The following TRPC3 variants were observed in gnomAD, a reference collection of about 807,000 sequenced individuals.
TRPC3 encodes the protein transient receptor potential cation channel subfamily C member 3.
In TRPC3, 54 loss-of-function variants were observed where a neutral mutation model predicts 90.9. The ratio of observed to expected loss-of-function variants is 0.59; its 90% CI spans 0.48 to 0.75. The LOEUF (loss-of-function observed/expected upper bound fraction) is 0.75, where lower values mean the gene tolerates loss of function less well. TRPC3 is among the 30% of genes least tolerant of loss of function. TRPC3 has a pLI of 0.00. For missense variants in TRPC3, 918 were observed against 1,194.5 expected (o/e 0.77, Z 3.41); for synonymous variants, 424 against 450.9 (o/e 0.94, Z 0.75).
Position 121,876,460 on chromosome 4 carries a change from T to C in TRPC3, c.*3276A>G, listed in dbSNP as rs1260827193. 2.6e-5 allele frequency among the ~76,000 whole-genome samples: 4 copies of C among 152,302 alleles called. No homozygotes were observed. Among genetic ancestry groups the C allele is most frequent in the East Asian group, 3.9e-4 (2 of 5,178 alleles). On this transcript the variant is annotated 3_prime_UTR_variant, in exon 12 of 12. Transcript: ENST00000379645. ...ATTTATGAAGACCAGAGAAGTTAAATGGTTTGTCCCATACCACAGTCATTA... is the reference window on the plus strand; with the variant it reads ...ATTTATGAAGACCAGAGAAGTTAAACGGTTTGTCCCATACCACAGTCATTA...
chr4:121,899,744 A>C, intron 9 of TRPC3, 49 bp from the exon 10 acceptor site: 2 of 1,342,120 alleles, frequency 1.5e-6, no homozygotes, highest in East Asian at 4.6e-5. Context: ...ATTCATTTGG[A>C]ATAAAAAATA....
intron 10 of TRPC3, among the ~76,000 whole-genome samples, chr4:121,888,261 G>A (rs914273740): frequency 6.6e-6 from 1 of 152,122 alleles, no homozygotes; most frequent in Non-Finnish European, 1.5e-5. Flanking sequence ...CCCTCATTTG[G>A]ATATAAAACA....
chr4:121,926,958 C>G (rs1729740569), intron 2 of TRPC3, among the ~76,000 whole-genome samples: 1 of 152,136 alleles, frequency 6.6e-6, no homozygotes, highest in South Asian at 2.1e-4. Flanking sequence ...TCAGATGATT[C>G]TGATACATGT....
intron 10 of TRPC3, among the ~76,000 whole-genome samples, chr4:121,890,394 C>T (rs1017911831): frequency 3.3e-5 from 5 of 152,094 alleles, no homozygotes; most frequent in Admixed American, 3.3e-4. Flanking sequence ...GATCCTTACA[C>T]AACGTATACA....
At chr4:121,925,340 T>C (rs1729665826) in intron 2 of TRPC3, 134 bp from the exon 3 acceptor site, 2 of 940,764 alleles carry the variant, frequency 2.1e-6, no homozygotes, top group Non-Finnish European at 3.1e-6. Flanking sequence ...GCAAGGCTTG[T>C]TGAGCTGAAT....
intron 10 of TRPC3, among the ~76,000 whole-genome samples, chr4:121,895,319 T>G (rs1266278135): frequency 6.6e-6 from 1 of 150,618 alleles, no homozygotes; most frequent in Non-Finnish European, 1.5e-5. Flanking sequence ...AAACCCCAAA[T>G]TGGTAGAAGA....
intron 11 of TRPC3, among the ~76,000 whole-genome samples, chr4:121,881,561 T>C (rs963163520): frequency 2.0e-5 from 3 of 152,202 alleles, no homozygotes; most frequent in African/African-American, 4.8e-5. Flanking sequence ...ACATACACTA[T>C]TGGATTGATT....
At chr4:121,886,951 C>G (rs1309080866) in intron 10 of TRPC3, among the ~76,000 whole-genome samples, 1 of 152,192 alleles carries the variant, frequency 6.6e-6, no homozygotes, top group Non-Finnish European at 1.5e-5. Flanking sequence ...AAAGAAGAGG[C>G]AGTTCCTAAG....
Position 121,920,024 on chromosome 4 carries a change from G to A in TRPC3, c.1176+4994C>T, listed in dbSNP as rs932435378. Reference sequence around the variant, plus strand: ...AGAATTAGAACTCAAGACTTTTGGTGGGGGGCAAATAGTCCATTATTCTAA... The same window carrying A: ...AGAATTAGAACTCAAGACTTTTGGTAGGGGGCAAATAGTCCATTATTCTAA... On this transcript the variant is annotated intron_variant, in intron 3 of 11. Transcript: ENST00000379645. Among the ~76,000 whole-genome samples the A allele has an allele frequency of 2.1e-5, 3 of 145,714 alleles. No individual in the cohort carries two copies. The South Asian group carries it at 6.8e-4, about 33-fold the overall frequency.
chr4:121,907,657 T>C, intron 6 of TRPC3, 90 bp from the exon 7 acceptor site: 1 of 1,399,888 alleles, frequency 7.1e-7, no homozygotes, highest in Non-Finnish European at 9.7e-7. Context: ...ATCTATCTTG[T>C]AGGTAGGTGG....
Position 121,951,626 on chromosome 4 carries a change from G to C in TRPC3, c.55C>G (p.Pro19Ala). The C allele has an allele frequency of 7.0e-7, 1 of 1,429,956 alleles. No individual in the cohort carries two copies. Among genetic ancestry groups the C allele is most frequent in the Non-Finnish European group, 9.2e-7 (1 of 1,084,110 alleles). The allele number at this position is 1,429,956 out of a possible 1,614,324, so 88.6% of individuals were successfully genotyped here. The change falls in exon 1 of 12, where the codon CCG becomes GCG. Residue 19 changes from proline (P) to alanine (A), a missense_variant. By Grantham distance (27) the Pro-to-Ala change is conservative. Around this residue, in one of 4 missense-constraint regions of TRPC3, gnomAD observed 609 missense variants for 725.9 expected, o/e 0.84. Transcript: ENST00000379645. The surrounding 1 kb of genome is among the most constrained non-coding windows in gnomAD (Gnocchi z 4.4). ...KEQARVTFPA[P>A]EEEEDEGEDE... ...TCGCCCTCGTCTTCCTCCTCCTCCG[G>C]CGCCGGGAAGGTCACCCTTGCTTGT...
intron 5 of TRPC3, among the ~76,000 whole-genome samples, chr4:121,911,432 C>T (rs1729087010): frequency 6.6e-6 from 1 of 151,930 alleles, no homozygotes; most frequent in Non-Finnish European, 1.5e-5. Context: ...TAGTAAAAAC[C>T]ACAGTTATTT....
intron 10 of TRPC3, among the ~76,000 whole-genome samples, chr4:121,886,365 A>G (rs1728118302): frequency 6.6e-6 from 1 of 152,210 alleles, no homozygotes; most frequent in Admixed American, 6.6e-5. Flanking sequence ...AGACTGATGT[A>G]GACAAATAGA....
intron 10 of TRPC3, among the ~76,000 whole-genome samples, chr4:121,895,736 G>T (rs1049627176): frequency 6.6e-6 from 1 of 152,006 alleles, no homozygotes; most frequent in African/African-American, 2.4e-5. Flanking sequence ...AGGACCAAAT[G>T]GTTTCACTGC....
chr4:121,933,812 C>T lies in TRPC3; in HGVS notation c.216-770G>A, dbSNP rs77477502. ...ATGCGTTTCTCTTAAGGGGATTCACCCATCCCCAAGTTATAGGATTTATCT... is the reference window on the plus strand; with the variant it reads ...ATGCGTTTCTCTTAAGGGGATTCACTCATCCCCAAGTTATAGGATTTATCT... On this transcript the variant is annotated intron_variant, in intron 1 of 11. Transcript: ENST00000379645. Among the ~76,000 whole-genome samples, 641 of 152,150 alleles carry T rather than the reference C, an allele frequency of 4.2e-3. 3 individuals are homozygous for T. Among genetic ancestry groups the T allele is most frequent in the African/African-American group, 0.015 (622 of 41,496 alleles).
chr4:121,940,862 T>C (rs924146724), intron 1 of TRPC3, among the ~76,000 whole-genome samples: 2 of 152,224 alleles, frequency 1.3e-5, no homozygotes, highest in African/African-American at 4.8e-5. Flanking sequence ...TTTATGTGCC[T>C]TATCTTATGT....
In TRPC3 at chr4:121,932,913, G is replaced by A; in HGVS notation, c.345C>T (p.Arg115=). Residue 115 remains arginine, a synonymous_variant, in exon 2 of 12, where the codon CGC becomes CGT. Coordinates refer to ENST00000379645, the MANE Select transcript of TRPC3 (RefSeq NM_001130698.2). This position sits in a 1 kb window ranked among gnomAD's most constrained non-coding sequence, Gnocchi z 7.7. ...TGCCGTACTCGGCGGCGTCGAGGAAGCGCTCCTCCTCGGCGGTGAGGCTGG... is the reference window on the plus strand; with the variant it reads ...TGCCGTACTCGGCGGCGTCGAGGAAACGCTCCTCCTCGGCGGTGAGGCTGG... The part of the protein sequence containing the change: ...RGTSLTAEEE[R]FLDAAEYGNI... The A allele has an allele frequency of 6.2e-7, 1 of 1,614,130 alleles. No homozygotes were observed. The highest frequency in any genetic ancestry group is 2.2e-5 in the East Asian group (1 of 44,874).
chr4:121,945,443 C>G (rs950939319), intron 1 of TRPC3, among the ~76,000 whole-genome samples: 1 of 152,248 alleles, frequency 6.6e-6, no homozygotes, highest in Non-Finnish European at 1.5e-5. Context: ...CAATATATAA[C>G]GGTGGAAAGG....
chr4:121,934,612 A>G (rs1414074116), intron 1 of TRPC3, among the ~76,000 whole-genome samples: 4 of 152,198 alleles, frequency 2.6e-5, no homozygotes, highest in Non-Finnish European at 1.5e-5. Flanking sequence ...CTACCATTGA[A>G]AAAACTGTAT....
Sources: allele counts gnomAD v4.1 joint callset (sites outside exome capture counted in the v4.1 genomes callset), GRCh38; gene constraint gnomAD v4.1.1; regional missense constraint gnomAD v4.1.1; non-coding constraint Gnocchi (gnomAD v3.1); transcripts MANE v1.5; gene names NCBI Gene and HGNC (gene_info 2026-07-23, HGNC 2026-07-21).